The following KALRN variants were observed in gnomAD, a reference collection of about 807,000 sequenced individuals.
KALRN encodes kalirin RhoGEF kinase, also known as kalirin.
Under a neutral mutation model 353.7 loss-of-function variants are expected in KALRN, and 70 were observed. That is an observed-to-expected ratio of 0.20 (90% CI 0.16 to 0.24). The LOEUF is 0.24. KALRN is among the 10% of genes least tolerant of loss of function. KALRN has a pLI of 1.00. For synonymous variants in KALRN, 1,391 were observed against 1,434.8 expected, an observed-to-expected ratio of 0.97 and a Z score of 0.69; for missense variants, 2,791 against 3,756.7, an observed-to-expected ratio of 0.74 and a Z score of 6.72.
Position 124,674,409 on chromosome 3 carries a change from A to C in KALRN, c.6988A>C (p.Lys2330Gln), listed in dbSNP as rs1441897453. 1 of 1,614,034 alleles carries C rather than the reference A, an allele frequency of 6.2e-7. No homozygotes were observed. The highest frequency in any genetic ancestry group is 1.7e-5 in the Admixed American group (1 of 59,994). ...TGGGACCTCGTCCATGGCCGTGATC[A>C]AAGATTACTATGCACTGAAGGAGAA... ...CNGTSSMAVI[K>Q]DYYALKENEI... The change falls in exon 49 of 60, where the codon AAA becomes CAA. Residue 2330 changes from lysine (K) to glutamine (Q), a missense_variant. By Grantham distance (53) the Lys-to-Gln change is moderately conservative (BLOSUM62 1). Coordinates refer to ENST00000682506, the MANE Select transcript of KALRN (RefSeq NM_001388419.1).
intron 37 of KALRN, among the ~76,000 whole-genome samples, chr3:124,649,275 T>C (rs2083110056): frequency 1.3e-5 from 2 of 152,210 alleles, no homozygotes; most frequent in African/African-American, 2.4e-5. Flanking sequence ...GTTTAGCCTA[T>C]GTTAAAATAG....
chr3:124,446,930 C>G, intron 21 of KALRN, 45 bp downstream of exon 21: 1 of 1,590,174 alleles, frequency 6.3e-7, no homozygotes, highest in East Asian at 2.2e-5. Context: ...CCAGAACTCT[C>G]CATTCTGGCC....
intron 1 of KALRN, among the ~76,000 whole-genome samples, chr3:124,039,707 A>C (rs551942794): frequency 2.0e-5 from 3 of 152,208 alleles, no homozygotes; most frequent in South Asian, 2.1e-4. Flanking sequence ...CAGTCTGTAC[A>C]TTGCCAGGTA....
Position 124,519,747 on chromosome 3 carries a change from A to G in KALRN, c.4935+23334A>G, listed in dbSNP as rs1258534878. 1.1e-5 allele frequency: 11 copies of G among 985,296 alleles called. 1 individual carries two copies. In the Admixed American group the frequency reaches 6.8e-4, roughly 61 times the overall value. The allele number at this position is 985,296 out of a possible 1,614,324, so 61.0% of individuals were successfully genotyped here. ...TGTCTTTGTACTTGAATTTAAATCCAATGGAGAACTTTAACACGGGCATTT... is the reference window on the plus strand; with the variant it reads ...TGTCTTTGTACTTGAATTTAAATCCGATGGAGAACTTTAACACGGGCATTT... On this transcript the variant is annotated intron_variant, in intron 33 of 59. Transcript: ENST00000682506.
Position 124,155,799 on chromosome 3 carries a change from C to G in KALRN, c.74-72191C>G, listed in dbSNP as rs1920621. On this transcript the variant is annotated intron_variant, in intron 1 of 59. Transcript: ENST00000682506. ...GGCTTTTCTGGAAACAGGCTTGGCT[C>G]ATGCCCATTTCTTGGGGTTCATCCA... is the stretch of plus-strand genomic sequence containing the variant. 2.5e-3 allele frequency among the ~76,000 whole-genome samples: 385 copies of G among 152,344 alleles called. 1 individual carries two copies. Among genetic ancestry groups the G allele is most frequent in the African/African-American group, 8.6e-3 (359 of 41,586 alleles).
chr3:124,459,033 CAAAT>C (rs201678127), intron 23 of KALRN, among the ~76,000 whole-genome samples: 2,707 of 152,216 alleles, frequency 0.018, 40 homozygotes, highest in East Asian at 0.073. Flanking sequence ...AATCACAAAA[CAAAT>C]AAGGACTGTA....
intron 18 of KALRN, 94 bp downstream of exon 18, chr3:124,439,131 TTCTC>T (rs1230111482): frequency 1.0e-5 from 13 of 1,239,140 alleles, no homozygotes; most frequent in Admixed American, 4.8e-5. Context: ...TTCTTTCTCT[TTCTC>T]TCTCTTTCTC....
In KALRN at chr3:124,624,833, T is replaced by C. The variant is rs541898075; in HGVS notation, c.5183-7587T>C. On this transcript the variant is annotated intron_variant, in intron 34 of 59. Transcript: ENST00000682506. ...AGGAAGAGATTGCAGGCATTGGTCT[T>C]AGGAGTGGTTAAAGAGCTATCATTA... 2.0e-5 allele frequency among the ~76,000 whole-genome samples: 3 copies of C among 152,292 alleles called. No individual in the cohort carries two copies. In the South Asian group the frequency reaches 6.2e-4, roughly 32 times the overall value.
chr3:124,706,805 G>C (rs1038135687), intron 57 of KALRN, among the ~76,000 whole-genome samples: 11 of 150,884 alleles, frequency 7.3e-5, no homozygotes, highest in African/African-American at 2.7e-4. Context: ...CTTGACCTCA[G>C]GTGATCCGCC....
At chr3:124,521,767 G>A (rs547527654) in intron 33 of KALRN, among the ~76,000 whole-genome samples, 1 of 152,320 alleles carries the variant, frequency 6.6e-6, no homozygotes, top group Admixed American at 6.5e-5. Flanking sequence ...CTCCCATGCT[G>A]TAGCGACACT....
chr3:124,533,306 G>C (rs1331964137), intron 33 of KALRN, among the ~76,000 whole-genome samples: 3 of 152,014 alleles, frequency 2.0e-5, no homozygotes, highest in Non-Finnish European at 4.4e-5. Context: ...TAACATATAT[G>C]CTCCATTTTC....
chr3:124,157,361 T>C (rs1365181067), intron 1 of KALRN, among the ~76,000 whole-genome samples: 1 of 152,220 alleles, frequency 6.6e-6, no homozygotes, highest in African/African-American at 2.4e-5. Context: ...CACTTCCTAA[T>C]TGTAACCCAA....
intron 5 of KALRN, among the ~76,000 whole-genome samples, chr3:124,292,639 G>A (rs80088168): frequency 0.056 from 6,527 of 116,586 alleles, 194 homozygotes; most frequent in Non-Finnish European, 0.089. Flanking sequence ...GGTGCCCTGC[G>A]GTCACTCTGG....
chr3:124,167,523 T>G (rs1204531493), intron 1 of KALRN, among the ~76,000 whole-genome samples: 1 of 152,260 alleles, frequency 6.6e-6, no homozygotes, highest in African/African-American at 2.4e-5. Flanking sequence ...TCTCTGTTTC[T>G]AATCTGCTCA....
At chr3:124,120,198 G>C (rs530078676) in intron 1 of KALRN, among the ~76,000 whole-genome samples, 2 of 152,194 alleles carry the variant, frequency 1.3e-5, no homozygotes, top group Admixed American at 1.3e-4. Context: ...GGCTGTAGCC[G>C]TTCCCCCGAC....
rs187289326 is a variant in KALRN, at chr3:124,255,771, C to T, written c.264-8727C>T. 3.3e-5 allele frequency among the ~76,000 whole-genome samples: 5 copies of T among 152,254 alleles called. No homozygotes were observed. The East Asian group carries it at 9.7e-4, about 29-fold the overall frequency. The stretch of plus-strand genomic sequence containing the variant: ...GAGGGAATGTATCTGTAAGAGAAGA[C>T]TTCTTGGAAGAAGAGGCTTGTGAGG... On this transcript the variant is annotated intron_variant, in intron 3 of 59. Transcript: ENST00000682506.
chr3:124,562,628 ATTTTTTT>A, intron 33 of KALRN: 41 of 367,634 alleles, frequency 1.1e-4, no homozygotes, highest in Admixed American at 2.7e-4. Context: ...TGCTAATTAC[ATTTTTTT>A]CTTGTTTTCT....
chr3:124,696,529 T>C (rs1434868454), intron 54 of KALRN, among the ~76,000 whole-genome samples: 2 of 152,136 alleles, frequency 1.3e-5, no homozygotes, highest in Non-Finnish European at 2.9e-5. Context: ...CACAATAAAA[T>C]TTACCATCTT....
intron 1 of KALRN, among the ~76,000 whole-genome samples, chr3:124,059,240 A>G (rs2149202940): frequency 6.6e-6 from 1 of 152,316 alleles, no homozygotes; most frequent in African/African-American, 2.4e-5. Flanking sequence ...TCCAGTAGCC[A>G]TTTGAAAAAA....
Sources: gnomAD v4.1 joint callset for allele counts (sites outside exome capture counted in the v4.1 genomes callset) on GRCh38, gnomAD v4.1.1 for gene constraint, MANE v1.5 for transcripts, NCBI Gene and HGNC (gene_info 2026-07-23, HGNC 2026-07-21) for gene names.